Variants in LZTFL1 observed in about 807,000 individuals in gnomAD.
LZTFL1 encodes the protein leucine zipper transcription factor like 1.
In LZTFL1, 25 loss-of-function variants were observed where a neutral mutation model predicts 45.9. The observed-to-expected ratio is 0.54, with a 90% CI of 0.40 to 0.76. LZTFL1 has a LOEUF of 0.76. LZTFL1 is among the 30% of genes least tolerant of loss of function. The probability of loss-of-function intolerance (pLI) is 0.00; values close to 1 mark genes in which losing one functional copy is unlikely to be tolerated. For synonymous variants in LZTFL1, 93 were observed against 117.4 expected, an observed-to-expected ratio of 0.79 and a Z score of 1.35; for missense variants, 277 against 331.1, an observed-to-expected ratio of 0.84 and a Z score of 1.27.
chr3:45,902,885 C>T (rs140413973), intron 2 of LZTFL1: 1 of 167,178 alleles, frequency 6.0e-6, no homozygotes, highest in East Asian at 1.9e-4. Flanking sequence ...AAGCGCAGGC[C>T]TTGCTGGAAG....
Position 45,855,131 on chromosome 3 carries a change from G to A in LZTFL1, c.-137-57C>T. 8.7e-6 allele frequency: 9 copies of A among 1,040,460 alleles called. No individual in the cohort carries two copies. The South Asian group carries it at 1.1e-4, about 13-fold the overall frequency. The allele number at this position is 1,040,460 out of a possible 1,614,324, so 64.5% of individuals were successfully genotyped here. On this transcript the variant is annotated intron_variant, in intron 3 of 4. Coordinates refer to the LZTFL1 transcript ENST00000472635. ...AAGTTGTATCTTAAAAACATCAAAGGGATATGATGAACATCAATGCAAAAA... is the reference window on the plus strand; with the variant it reads ...AAGTTGTATCTTAAAAACATCAAAGAGATATGATGAACATCAATGCAAAAA...
intron 2 of LZTFL1, among the ~76,000 whole-genome samples, chr3:45,884,937 C>T (rs1180810783): frequency 6.6e-6 from 1 of 152,094 alleles, no homozygotes; most frequent in Non-Finnish European, 1.5e-5. Context: ...TTTCAGACAC[C>T]ATTTATTTGC....
At chr3:45,895,453 G>C (rs6782814) in intron 2 of LZTFL1, among the ~76,000 whole-genome samples, 34,564 of 152,210 alleles carry the variant, frequency 0.23, 6,095 homozygotes, top group African/African-American at 0.48. Context: ...GCTCACGCCT[G>C]TAATCCCAGC....
chr3:45,842,376 AT>A (rs1323160565), upstream of LZTFL1, among the ~76,000 whole-genome samples: 1 of 152,090 alleles, frequency 6.6e-6, no homozygotes, highest in African/African-American at 2.4e-5. Flanking sequence ...CCGCTTATGG[AT>A]TGTTGGGAAG....
At chr3:45,860,857 T>C (rs1701476590) in intron 2 of LZTFL1, among the ~76,000 whole-genome samples, 1 of 152,226 alleles carries the variant, frequency 6.6e-6, no homozygotes, top group South Asian at 2.1e-4. Flanking sequence ...TTTTCCCATC[T>C]TAATTTTAAA....
intron 2 of LZTFL1, chr3:45,895,219 C>A: frequency 1.9e-6 from 1 of 530,324 alleles, no homozygotes; most frequent in Non-Finnish European, 3.4e-6. Flanking sequence ...TTTTAACCAT[C>A]TTTAACTAGG....
At position 45,900,970 on chromosome 3, in the gene LZTFL1, T is replaced by C; in HGVS notation, c.-215+12150A>G. The C allele has an allele frequency of 6.2e-7, 1 of 1,614,232 alleles. No individual in the cohort carries two copies. Among genetic ancestry groups the C allele is most frequent in the South Asian group, 1.1e-5 (1 of 91,082 alleles). Reference sequence around the variant, plus strand: ...CCCTTGTACTGGCTCGTGTTCATCGTGGGTGCCTTGGGCAACAGTCTTGTT... The same window carrying C: ...CCCTTGTACTGGCTCGTGTTCATCGCGGGTGCCTTGGGCAACAGTCTTGTT... On this transcript the variant is annotated intron_variant, in intron 2 of 4. Coordinates refer to the LZTFL1 transcript ENST00000472635. The surrounding 1 kb of genome is among the most constrained non-coding windows in gnomAD (Gnocchi z 4.7).
At chr3:45,907,261 C>T (rs544136835) in intron 2 of LZTFL1, among the ~76,000 whole-genome samples, 8 of 152,316 alleles carry the variant, frequency 5.3e-5, no homozygotes, top group Admixed American at 4.6e-4. Context: ...CAGGGACTGG[C>T]ATCTCCTTCT....
At chr3:45,872,453 T>G (rs1701685319) in intron 2 of LZTFL1, among the ~76,000 whole-genome samples, 1 of 152,158 alleles carries the variant, frequency 6.6e-6, no homozygotes, top group Non-Finnish European at 1.5e-5. Context: ...GCTGAAACTC[T>G]CACTGAGGAG....
rs201772828 is a variant in LZTFL1 at position 45,901,388 on chromosome 3, G to T, written c.-215+11732C>A. On this transcript the variant is annotated intron_variant, in intron 2 of 4. Coordinates refer to the LZTFL1 transcript ENST00000472635. The surrounding 1 kb of genome is among the most constrained non-coding windows in gnomAD (Gnocchi z 4.3). ...AATCCGGCATTGCTATCTGCACCATGGTTTACCCTAGCGATGAGAGCACCA... is the reference window on the plus strand; with the variant it reads ...AATCCGGCATTGCTATCTGCACCATTGTTTACCCTAGCGATGAGAGCACCA... The T allele has an allele frequency of 1.1e-5, 17 of 1,614,184 alleles. No individual in the cohort carries two copies. The highest frequency in any genetic ancestry group is 1.4e-5 in the Non-Finnish European group (17 of 1,180,036).
intron 2 of LZTFL1, among the ~76,000 whole-genome samples, chr3:45,874,445 C>G (rs1437068038): frequency 6.6e-6 from 1 of 152,130 alleles, no homozygotes; most frequent in Admixed American, 6.6e-5. Context: ...TTTAGAATAA[C>G]TTCTTCTTAG....
Position 45,901,677 on chromosome 3 carries a change from A to G in LZTFL1, c.-215+11443T>C, listed in dbSNP as rs1429953711. ...CTGTGCCGTTTCCACCAACATTGAC[A>G]TCTGCTTCCAGGTCACCCAGACCAT... is the stretch of plus-strand genomic sequence containing the variant. On this transcript the variant is annotated intron_variant, in intron 2 of 4. Transcript: ENST00000472635. The surrounding 1 kb of genome is among the most constrained non-coding windows in gnomAD (Gnocchi z 4.3). The G allele has an allele frequency of 6.2e-7, 1 of 1,613,814 alleles. No individual in the cohort carries two copies. Among genetic ancestry groups the G allele is most frequent in the African/African-American group, 1.3e-5 (1 of 74,924 alleles).
chr3:45,853,689 A>G (rs1417288184), intron 4 of LZTFL1, among the ~76,000 whole-genome samples: 3 of 152,154 alleles, frequency 2.0e-5, no homozygotes, highest in African/African-American at 7.2e-5. Flanking sequence ...TTGGCTCTAT[A>G]TCTTCATTTT....
chr3:45,882,116 A>G (rs1176597164), intron 2 of LZTFL1, among the ~76,000 whole-genome samples: 1 of 152,198 alleles, frequency 6.6e-6, no homozygotes, highest in East Asian at 1.9e-4. Context: ...GATCCTCAAG[A>G]CTTATATCAG....
chr3:45,870,927 T>C (rs1048775915), intron 2 of LZTFL1, among the ~76,000 whole-genome samples: 1 of 152,364 alleles, frequency 6.6e-6, no homozygotes, highest in South Asian at 2.1e-4. Flanking sequence ...GAGTGTTTTG[T>C]TTTTATCAGA....
At chr3:45,899,551 C>T (rs1702477090) in intron 2 of LZTFL1, among the ~76,000 whole-genome samples, 1 of 152,168 alleles carries the variant, frequency 6.6e-6, no homozygotes, top group African/African-American at 2.4e-5. Context: ...TGAACTATTG[C>T]ATTTGCCTCA....
chr3:45,915,335 C>T, intron 1 of LZTFL1: 1 of 344,016 alleles, frequency 2.9e-6, no homozygotes, highest in South Asian at 2.2e-5. Context: ...TCTTTTATCC[C>T]CGCACCGCCC....
At chr3:45,887,948 C>T (rs1702034329) in intron 2 of LZTFL1, among the ~76,000 whole-genome samples, 3 of 152,222 alleles carry the variant, frequency 2.0e-5, no homozygotes, top group Admixed American at 2.0e-4. Flanking sequence ...AAGTAAGGAC[C>T]TGCATTCCTG....
chr3:45,827,270 G>T (rs1575248914), intron 9 of LZTFL1, 86 bp downstream of exon 9: 2 of 1,019,154 alleles, frequency 2.0e-6, no homozygotes, highest in Non-Finnish European at 3.1e-6. Flanking sequence ...CCACCGGCTT[G>T]ACCTCTCTGG....
Sources: gnomAD v4.1 joint callset for allele counts (sites outside exome capture counted in the v4.1 genomes callset) on GRCh38, gnomAD v4.1.1 for gene constraint, Gnocchi (gnomAD v3.1) non-coding constraint, MANE v1.5 for transcripts, NCBI Gene and HGNC (gene_info 2026-07-23, HGNC 2026-07-21) for gene names.